The following CAPZB variants were observed in gnomAD, a reference collection of about 807,000 sequenced individuals.
The protein encoded by CAPZB is F-actin-capping protein subunit beta.
In CAPZB, 2 loss-of-function variants were observed where a neutral mutation model predicts 38.1. That is an observed-to-expected ratio of 0.05 (90% CI 0.02 to 0.17). CAPZB has a LOEUF of 0.17. Ranked by LOEUF, CAPZB falls within the 10% of genes least tolerant of loss-of-function variation. CAPZB has a pLI of 1.00. For missense variants in CAPZB, 161 were observed against 334.2 expected (o/e 0.48, Z 4.04); for synonymous variants, 107 against 127.4 (o/e 0.84, Z 1.08).
chr1:19,363,353 T>C (rs751009917), intron 4 of CAPZB, among the ~76,000 whole-genome samples: 28 of 149,908 alleles, frequency 1.9e-4, no homozygotes, highest in Admixed American at 3.4e-4. Context: ...CAATTAAACA[T>C]CTGGTTGGGT....
Position 19,339,155 on chromosome 1 carries a change from ATT to A in CAPZB, c.*373_*374del, listed in dbSNP as rs1486577019. 2 of 224,756 alleles carry A rather than the reference ATT, an allele frequency of 8.9e-6. No individual in the cohort carries two copies. The highest frequency in any genetic ancestry group is 1.2e-4 in the East Asian group (1 of 8,634). 13.9% of individuals were successfully genotyped at this position (224,756 alleles called of 1,614,324 possible). ...TCACACACCACAGTTAGTTCATAAA[ATT>A]TTTTTGTTTTACATTTTTTACACCA... On this transcript the variant is annotated 3_prime_UTR_variant, in exon 9 of 9. Transcript: ENST00000264202.
intron 1 of CAPZB, among the ~76,000 whole-genome samples, chr1:19,471,345 T>C (rs2094586251): frequency 6.6e-6 from 1 of 152,126 alleles, no homozygotes; most frequent in Non-Finnish European, 1.5e-5. Flanking sequence ...GATTCTGACA[T>C]GTAATGAAAT....
intron 1 of CAPZB, among the ~76,000 whole-genome samples, chr1:19,447,984 G>A (rs2094502222): frequency 6.6e-6 from 1 of 152,230 alleles, no homozygotes; most frequent in Admixed American, 6.5e-5. Context: ...GAAGAAAAGA[G>A]GGCGGAGGGA....
intron 1 of CAPZB, chr1:19,484,065 G>T: frequency 1.1e-6 from 1 of 944,392 alleles, no homozygotes. Context: ...TGGCAGGAGG[G>T]CAGGTCTATC....
In CAPZB at chr1:19,355,180, A is replaced by G. The variant is rs1231789008; in HGVS notation, c.588+1455T>C. Reference sequence around the variant, plus strand: ...TGTAGATGTTGTTGTAACTAGTAGAATGCAAATTCACTTAAAAGATTTACT... The same window carrying G: ...TGTAGATGTTGTTGTAACTAGTAGAGTGCAAATTCACTTAAAAGATTTACT... On this transcript the variant is annotated intron_variant, in intron 6 of 8. Coordinates refer to ENST00000264202, the MANE Select transcript of CAPZB (RefSeq NM_004930.5). Among the ~76,000 whole-genome samples the G allele has an allele frequency of 2.0e-5, 3 of 152,200 alleles. No homozygotes were observed. In the East Asian group the frequency reaches 5.8e-4, roughly 29 times the overall value.
At chr1:19,433,826 CA>C (rs1257267659) in intron 1 of CAPZB, among the ~76,000 whole-genome samples, 1 of 152,134 alleles carries the variant, frequency 6.6e-6, no homozygotes, top group African/African-American at 2.4e-5. Context: ...AAGACTCTAT[CA>C]AATCTCTATT....
At chr1:19,377,372 T>C (rs915942398) in intron 4 of CAPZB, among the ~76,000 whole-genome samples, 2 of 152,240 alleles carry the variant, frequency 1.3e-5, no homozygotes, top group African/African-American at 4.8e-5. Context: ...TGTCCTGTGG[T>C]CTTGTGTGAG....
intron 6 of CAPZB, among the ~76,000 whole-genome samples, chr1:19,348,472 A>C (rs998905154): frequency 1.3e-5 from 2 of 152,028 alleles, no homozygotes; most frequent in South Asian, 4.2e-4. Flanking sequence ...ATGGGAGAGA[A>C]CTAGGGCTAT....
chr1:19,371,080 T>C (rs906518450), intron 4 of CAPZB, among the ~76,000 whole-genome samples: 30 of 152,202 alleles, frequency 2.0e-4, no homozygotes, highest in African/African-American at 7.0e-4. Context: ...CTCCAGTCAC[T>C]GCAGACGGGC....
rs2093948364 is a variant in CAPZB at position 19,344,206 on chromosome 1, T to C, written c.731+152A>G. The C allele has an allele frequency of 4.6e-6, 3 of 655,722 alleles. No homozygotes were observed. In the South Asian group the frequency reaches 5.4e-5, roughly 12 times the overall value. 40.6% of individuals were successfully genotyped at this position (655,722 alleles called of 1,614,324 possible). ...CAGATGACACATCAGGACTTTACTTTCCAAAATCAACATAATGATCATCCC... is the reference window on the plus strand; with the variant it reads ...CAGATGACACATCAGGACTTTACTTCCCAAAATCAACATAATGATCATCCC... On this transcript the variant is annotated intron_variant, in intron 8 of 8. Coordinates refer to ENST00000264202, the MANE Select transcript of CAPZB (RefSeq NM_004930.5).
chr1:19,465,309 T>C (rs1293599894), intron 1 of CAPZB, among the ~76,000 whole-genome samples: 1 of 152,202 alleles, frequency 6.6e-6, no homozygotes, highest in Non-Finnish European at 1.5e-5. Context: ...CCAGGGGAGC[T>C]GGCCAGCCCC....
chr1:19,425,173 G>A (rs1393742768), intron 1 of CAPZB, among the ~76,000 whole-genome samples: 1 of 152,204 alleles, frequency 6.6e-6, no homozygotes, highest in Non-Finnish European at 1.5e-5. Context: ...CTCTCCACAG[G>A]CCAGCTCCTT....
intron 2 of CAPZB, among the ~76,000 whole-genome samples, chr1:19,405,598 G>A (rs2094327639): frequency 6.7e-6 from 1 of 150,102 alleles, no homozygotes; most frequent in Non-Finnish European, 1.5e-5. Flanking sequence ...CTTTCAGCCT[G>A]GGGCAAATCT....
At chr1:19,482,192 A>T (rs996239073) in intron 1 of CAPZB, among the ~76,000 whole-genome samples, 1 of 152,232 alleles carries the variant, frequency 6.6e-6, no homozygotes, top group Admixed American at 6.5e-5. Flanking sequence ...ATCTGCTTTC[A>T]AAGACACGGC....
rs142210682 is a variant in CAPZB, at chr1:19,485,134, T to C, written c.3+302A>G. Among the ~76,000 whole-genome samples the C allele has an allele frequency of 2.4e-3, 364 of 152,196 alleles. 3 individuals are homozygous for C. Among genetic ancestry groups the C allele is most frequent in the Non-Finnish European group, 4.1e-3 (278 of 67,974 alleles). On this transcript the variant is annotated intron_variant, in intron 1 of 8. Coordinates refer to ENST00000264202, the MANE Select transcript of CAPZB (RefSeq NM_004930.5). ...GGGGGTGCCTGGCTGGGGACACGGT[T>C]CGGGAGGGAGGGTCTAGCCTGGGCT...
chr1:19,464,185 G>A lies in CAPZB; in HGVS notation c.3+21251C>T, dbSNP rs117821709. 0.011 allele frequency among the ~76,000 whole-genome samples: 1,700 copies of A among 148,948 alleles called. 76 individuals carry two copies. The East Asian group carries it at 0.14, about 13-fold the overall frequency. ...CTGGGCAACAGAGCAAGACTCTGTCGAAAAAGGGAAGAAAGAAAAGAGAAA... is the reference window on the plus strand; with the variant it reads ...CTGGGCAACAGAGCAAGACTCTGTCAAAAAAGGGAAGAAAGAAAAGAGAAA... On this transcript the variant is annotated intron_variant, in intron 1 of 8. Coordinates refer to ENST00000264202, the MANE Select transcript of CAPZB (RefSeq NM_004930.5).
At chr1:19,453,566 C>T (rs903899050) in intron 1 of CAPZB, among the ~76,000 whole-genome samples, 2 of 152,140 alleles carry the variant, frequency 1.3e-5, no homozygotes, top group African/African-American at 2.4e-5. Flanking sequence ...TGGCCACCAG[C>T]GCCTCTTTCT....
At chr1:19,445,539 C>T (rs985776201) in intron 1 of CAPZB, among the ~76,000 whole-genome samples, 1 of 152,172 alleles carries the variant, frequency 6.6e-6, no homozygotes, top group Non-Finnish European at 1.5e-5. Flanking sequence ...CCTAGAGACT[C>T]CCCAAAGGTA....
In CAPZB at chr1:19,363,926, G is replaced by A. The variant is rs2094068736; in HGVS notation, c.330-6363C>T. 2.0e-5 allele frequency among the ~76,000 whole-genome samples: 3 copies of A among 152,194 alleles called. No homozygotes were observed. In the South Asian group the frequency reaches 6.2e-4, roughly 32 times the overall value. On this transcript the variant is annotated intron_variant, in intron 4 of 8. Coordinates refer to ENST00000264202, the MANE Select transcript of CAPZB (RefSeq NM_004930.5). ...AACCAAGGCCAGGACAGACCTGCTGGGAGCAGGGCTTTCCAGCATGAGCCA... is the reference window on the plus strand; with the variant it reads ...AACCAAGGCCAGGACAGACCTGCTGAGAGCAGGGCTTTCCAGCATGAGCCA...
Sources: allele counts gnomAD v4.1 joint callset (sites outside exome capture counted in the v4.1 genomes callset), GRCh38; gene constraint gnomAD v4.1.1; transcripts MANE v1.5; gene names NCBI Gene and HGNC (gene_info 2026-07-23, HGNC 2026-07-21).